TRIO: variants seen among roughly 807,000 people sequenced by gnomAD.
The protein encoded by TRIO is triple functional domain protein.
In TRIO, 58 loss-of-function variants were observed where a neutral mutation model predicts 351.9. The ratio of observed to expected loss-of-function variants is 0.16; its 90% confidence interval spans 0.13 to 0.21. The LOEUF (loss-of-function observed/expected upper bound fraction) is 0.21, where lower values mean the gene tolerates loss of function less well. Among genes scored for constraint, TRIO ranks in the 10% least tolerant of loss-of-function variants. The pLI, the probability that TRIO is intolerant of heterozygous loss-of-function variation, is 1.00. For synonymous variants in TRIO, 1,758 were observed against 1,595.7 expected (o/e 1.10, Z -2.42); for missense variants, 3,201 against 4,027.8 (o/e 0.79, Z 5.56).
rs1325674600 is a variant in TRIO at position 14,509,896 on chromosome 5, A to G, written c.*1474A>G. On this transcript the variant is annotated 3_prime_UTR_variant, in exon 57 of 57. Transcript: ENST00000344204. ...CCAGACACCTGGGTCTTGAGCCATA[A>G]ACTGGCGTAGTTAAGCTTTGCAGCT... The G allele has an allele frequency of 6.5e-6, 1 of 152,740 alleles. No individual in the cohort carries two copies. Among genetic ancestry groups the G allele is most frequent in the African/African-American group, 2.4e-5 (1 of 41,454 alleles). 9.5% of individuals were successfully genotyped at this position (152,740 alleles called of 1,614,324 possible).
rs1334917467 is a variant in TRIO, at chr5:14,481,227, C to A, written c.6337-7C>A. ...CCATTATCATGTCCTCTCCATTTCCCTTGCAGGACTTCCTCAAGTATTCCA... is the reference window on the plus strand; with the variant it reads ...CCATTATCATGTCCTCTCCATTTCCATTGCAGGACTTCCTCAAGTATTCCA... On this transcript the variant is annotated splice_polypyrimidine_tract_variant and splice_region_variant and intron_variant, in intron 43 of 56. Coordinates refer to ENST00000344204, the MANE Select transcript of TRIO (RefSeq NM_007118.4). The A allele has an allele frequency of 6.2e-7, 1 of 1,613,302 alleles. No individual in the cohort carries two copies. Among genetic ancestry groups the A allele is most frequent in the East Asian group, 2.2e-5 (1 of 44,880 alleles).
At chr5:14,182,226 C>G (rs1452328915) in intron 1 of TRIO, among the ~76,000 whole-genome samples, 1 of 151,158 alleles carries the variant, frequency 6.6e-6, no homozygotes, top group Non-Finnish European at 1.5e-5. Flanking sequence ...TGGGAAGGAC[C>G]CCGGCTCTGC....
intron 33 of TRIO, among the ~76,000 whole-genome samples, chr5:14,411,154 A>C (rs2152383914): frequency 6.6e-6 from 1 of 152,314 alleles, no homozygotes; most frequent in East Asian, 1.9e-4. Context: ...CCACAGCCAG[A>C]CACGGAACAT....
chr5:14,269,122 G>A (rs1795850196), intron 1 of TRIO, among the ~76,000 whole-genome samples: 1 of 152,130 alleles, frequency 6.6e-6, no homozygotes, highest in African/African-American at 2.4e-5. Context: ...ACCCATAACT[G>A]GCTGAATAGT....
At position 14,471,320 on chromosome 5, in the gene TRIO, A is replaced by G. The variant is rs775092041; in HGVS notation, c.5766A>G (p.Ala1922=). The G allele has an allele frequency of 1.2e-6, 2 of 1,613,770 alleles. No individual in the cohort carries two copies. Among genetic ancestry groups the G allele is most frequent in the Admixed American group, 1.7e-5 (1 of 59,994 alleles). The change falls in exon 38 of 57, where the codon GCA becomes GCG. Residue 1922 remains alanine (A), a splice_region_variant and synonymous_variant. Transcript: ENST00000344204. ...AIEELVKSKM[A]LEDRPSSLLV... is the part of the protein sequence containing the mutation. ...TTGATTATGTCAATTTCTTCCAGGCACTGGAGGATCGCCCCAGCTCACTCC... is the reference window on the plus strand; with the variant it reads ...TTGATTATGTCAATTTCTTCCAGGCGCTGGAGGATCGCCCCAGCTCACTCC...
At chr5:14,305,706 C>CTA (rs1482643194) in intron 8 of TRIO, among the ~76,000 whole-genome samples, 3 of 152,192 alleles carry the variant, frequency 2.0e-5, no homozygotes, top group Non-Finnish European at 4.4e-5. Flanking sequence ...GCCCAGCTGT[C>CTA]ACTCTCATAT....
chr5:14,291,775 T>G (rs1736927695), intron 5 of TRIO, among the ~76,000 whole-genome samples: 1 of 109,342 alleles, frequency 9.1e-6, no homozygotes, highest in Non-Finnish European at 1.7e-5. Flanking sequence ...GGCGACAGAG[T>G]GAGACTCCGT....
intron 37 of TRIO, among the ~76,000 whole-genome samples, chr5:14,467,565 T>C (rs1034617594): frequency 2.0e-5 from 3 of 152,248 alleles, no homozygotes; most frequent in African/African-American, 7.2e-5. Context: ...CCTGTAATCC[T>C]AGCACTTTAG....
At chr5:14,412,854 G>A (rs1184576964) in intron 33 of TRIO, among the ~76,000 whole-genome samples, 3 of 152,330 alleles carry the variant, frequency 2.0e-5, no homozygotes, top group Non-Finnish European at 4.4e-5. Flanking sequence ...AATCAAAAGC[G>A]AGGATGTACC....
At chr5:14,193,655 A>G (rs1790579810) in intron 1 of TRIO, among the ~76,000 whole-genome samples, 1 of 152,228 alleles carries the variant, frequency 6.6e-6, no homozygotes, top group Non-Finnish European at 1.5e-5. Flanking sequence ...GTGGTTGGCA[A>G]ATGTTCAAAC....
chr5:14,360,723 G>A (rs1440826099), intron 13 of TRIO, among the ~76,000 whole-genome samples: 2 of 152,178 alleles, frequency 1.3e-5, no homozygotes, highest in Non-Finnish European at 2.9e-5. Context: ...TTTGGTTTGT[G>A]GTGCAAGGGC....
chr5:14,431,104 G>A (rs1282735666), intron 34 of TRIO, among the ~76,000 whole-genome samples: 2 of 152,226 alleles, frequency 1.3e-5, no homozygotes, highest in African/African-American at 4.8e-5. Flanking sequence ...GACAGAAAAA[G>A]GCATGGGGGT....
intron 1 of TRIO, among the ~76,000 whole-genome samples, chr5:14,185,817 T>TA (rs1405245072): frequency 6.6e-6 from 1 of 152,152 alleles, no homozygotes; most frequent in Admixed American, 6.5e-5. Flanking sequence ...TCTCAGATCT[T>TA]ACCCAGGGAT....
intron 1 of TRIO, among the ~76,000 whole-genome samples, chr5:14,195,930 A>T (rs919800280): frequency 2.6e-5 from 4 of 152,090 alleles, no homozygotes; most frequent in African/African-American, 9.7e-5. Context: ...TTGTTTTACT[A>T]GATTTTATCC....
intron 8 of TRIO, among the ~76,000 whole-genome samples, chr5:14,307,496 G>A (rs76796949): frequency 6.6e-6 from 1 of 152,298 alleles, no homozygotes; most frequent in Non-Finnish European, 1.5e-5. Context: ...GTTGCCCCCA[G>A]TTCTCGTGGG....
chr5:14,202,407 G>C (rs1195794665), intron 1 of TRIO, among the ~76,000 whole-genome samples: 1 of 142,106 alleles, frequency 7.0e-6, no homozygotes, highest in African/African-American at 2.6e-5. Context: ...TGTGGCCCCA[G>C]GGAAGCCAAA....
At chr5:14,390,104 C>T (rs563392565) in intron 25 of TRIO, 127 bp from the exon 26 acceptor site, 2 of 766,462 alleles carry the variant, frequency 2.6e-6, no homozygotes, top group African/African-American at 3.5e-5. Flanking sequence ...CAATAACTTA[C>T]CCTAGTTAAG....
rs1335608221 is a variant in TRIO, at chr5:14,211,968, A to AC, written c.158-58857_158-58856insC. 7.4e-3 allele frequency among the ~76,000 whole-genome samples: 1,114 copies of AC among 150,054 alleles called. 23 individuals carry two copies. Among genetic ancestry groups the AC allele is most frequent in the African/African-American group, 0.026 (1,061 of 40,914 alleles). On this transcript the variant is annotated intron_variant, in intron 1 of 56. Transcript: ENST00000344204. ...CATCTCTCCAAAAAAAAAAACCAAA[A>AC]AAACAAAAACAAACAAACAAAAAAA...
At chr5:14,360,748 G>A (rs1015141317) in intron 13 of TRIO, among the ~76,000 whole-genome samples, 10 of 152,192 alleles carry the variant, frequency 6.6e-5, no homozygotes, top group Admixed American at 3.9e-4. Flanking sequence ...CCAGCCCTGC[G>A]CAGGACTCTC....
Sources: allele counts gnomAD v4.1 joint callset (sites outside exome capture counted in the v4.1 genomes callset), GRCh38; gene constraint gnomAD v4.1.1; transcripts MANE v1.5; gene names NCBI Gene and HGNC (gene_info 2026-07-23, HGNC 2026-07-21).